FSIP1: variants seen among roughly 807,000 people sequenced by gnomAD.
The protein encoded by FSIP1 is fibrous sheath interacting protein 1.
In FSIP1, 65 loss-of-function variants were observed where a neutral mutation model predicts 60.9. The observed-to-expected ratio is 1.07, with a 90% confidence interval of 0.87 to 1.31. FSIP1 has a LOEUF of 1.31. Among genes scored for constraint, FSIP1 ranks in the 40% most tolerant of loss-of-function variants. The pLI is 0.00. For synonymous variants in FSIP1, 209 were observed against 221.2 expected, an observed-to-expected ratio of 0.94 and a Z score of 0.49; for missense variants, 675 against 665.5, an observed-to-expected ratio of 1.01 and a Z score of -0.16.
chr15:39,610,575 A>G (rs1337164135), intron 11 of FSIP1, among the ~76,000 whole-genome samples: 1 of 152,212 alleles, frequency 6.6e-6, no homozygotes, highest in Non-Finnish European at 1.5e-5. Context: ...CTGAGGCAGG[A>G]GAATCGCTTG....
intron 10 of FSIP1, among the ~76,000 whole-genome samples, chr15:39,633,233 G>A (rs925783202): frequency 2.6e-5 from 4 of 151,620 alleles, no homozygotes; most frequent in Non-Finnish European, 5.9e-5. Flanking sequence ...GGGACTATAG[G>A]CACGCACCAT....
chr15:39,648,032 C>T (rs575975444), intron 10 of FSIP1, among the ~76,000 whole-genome samples: 10 of 127,872 alleles, frequency 7.8e-5, no homozygotes, highest in Middle Eastern at 7.5e-3. Flanking sequence ...GTGGGGGGAG[C>T]GGGGAGGGAT....
At chr15:39,620,864 C>T (rs1324885638) in intron 10 of FSIP1, among the ~76,000 whole-genome samples, 1 of 150,804 alleles carries the variant, frequency 6.6e-6, no homozygotes, top group East Asian at 1.9e-4. Flanking sequence ...CCTCGGCCTC[C>T]CAAATTGTTA....
intron 11 of FSIP1, among the ~76,000 whole-genome samples, chr15:39,617,124 A>G (rs768862994): frequency 1.4e-4 from 21 of 152,250 alleles, no homozygotes; most frequent in Non-Finnish European, 2.4e-4. Context: ...AATCTACAAT[A>G]GAGGTAAAAA....
chr15:39,648,696 G>A (rs1206948679), intron 10 of FSIP1, among the ~76,000 whole-genome samples: 1 of 152,204 alleles, frequency 6.6e-6, no homozygotes, highest in East Asian at 1.9e-4. Flanking sequence ...AATGTGTGAT[G>A]TAATTGGTAG....
At chr15:39,606,874 T>A (rs1890845928) in intron 11 of FSIP1, among the ~76,000 whole-genome samples, 1 of 152,232 alleles carries the variant, frequency 6.6e-6, no homozygotes, top group Non-Finnish European at 1.5e-5. Flanking sequence ...TAGGTGGCTT[T>A]TGCTTTGATT....
At chr15:39,729,757 G>T (rs911568675) in intron 8 of FSIP1, among the ~76,000 whole-genome samples, 1 of 152,134 alleles carries the variant, frequency 6.6e-6, no homozygotes, top group African/African-American at 2.4e-5. Context: ...TGCAACTGAA[G>T]GCCATAATCC....
chr15:39,725,697 C>T (rs1027999415), intron 9 of FSIP1, among the ~76,000 whole-genome samples: 3 of 152,172 alleles, frequency 2.0e-5, no homozygotes, highest in African/African-American at 7.2e-5. Context: ...CCTCAGTCTA[C>T]CACCCAAACC....
At chr15:39,641,691 T>G in intron 10 of FSIP1, among the ~76,000 whole-genome samples, 1 of 152,198 alleles carries the variant, frequency 6.6e-6, no homozygotes, top group Admixed American at 6.5e-5. Flanking sequence ...TTCAAGTCTC[T>G]GGTTGCCACT....
At chr15:39,744,748 G>GTC (rs796166106) in intron 5 of FSIP1, among the ~76,000 whole-genome samples, 13 of 141,960 alleles carry the variant, frequency 9.2e-5, no homozygotes, top group South Asian at 2.2e-4. Flanking sequence ...CTGTCTGTCT[G>GTC]TCTCTCTCTC....
At chr15:39,718,005 T>C (rs2140566740) in intron 9 of FSIP1, among the ~76,000 whole-genome samples, 1 of 152,228 alleles carries the variant, frequency 6.6e-6, no homozygotes, top group African/African-American at 2.4e-5. Context: ...CAACTTCAGA[T>C]GGCCAGTTCT....
intron 4 of FSIP1, among the ~76,000 whole-genome samples, chr15:39,765,126 C>T (rs1233775136): frequency 6.6e-6 from 1 of 151,948 alleles, no homozygotes; most frequent in African/African-American, 2.4e-5. Context: ...ATGACTCCTT[C>T]ATATACACAC....
intron 10 of FSIP1, among the ~76,000 whole-genome samples, chr15:39,621,056 T>TAAAAAAA (rs369925726): frequency 7.4e-6 from 1 of 134,802 alleles, no homozygotes; most frequent in East Asian, 2.1e-4. Flanking sequence ...GGGCATTTCT[T>TAAAAAAA]AAAAAAAAAA....
chr15:39,734,258 T>C (rs1896526866), intron 8 of FSIP1, among the ~76,000 whole-genome samples: 1 of 152,322 alleles, frequency 6.6e-6, no homozygotes, highest in Admixed American at 6.5e-5. Flanking sequence ...TCAAAAATTA[T>C]CCACACTTCA....
chr15:39,722,309 T>C (rs1896014211), intron 9 of FSIP1, among the ~76,000 whole-genome samples: 1 of 152,022 alleles, frequency 6.6e-6, no homozygotes, highest in African/African-American at 2.4e-5. Context: ...GTCTACATTA[T>C]GGTGAGTTGT....
At chr15:39,719,186 G>T (rs1297201264) in intron 9 of FSIP1, among the ~76,000 whole-genome samples, 2 of 151,560 alleles carry the variant, frequency 1.3e-5, no homozygotes, top group Admixed American at 6.6e-5. Context: ...TGTGGTGCCA[G>T]GAAAGATTCT....
chr15:39,694,100 C>G (rs185507902), intron 10 of FSIP1, among the ~76,000 whole-genome samples: 1 of 152,058 alleles, frequency 6.6e-6, no homozygotes, highest in East Asian at 1.9e-4. Flanking sequence ...GTAACAAGCA[C>G]TTTGCAAACT....
intron 11 of FSIP1, among the ~76,000 whole-genome samples, chr15:39,614,510 T>C (rs1891151098): frequency 6.6e-6 from 1 of 152,058 alleles, no homozygotes; most frequent in South Asian, 2.1e-4. Flanking sequence ...CCGGGCGTGG[T>C]GGCACGCACC....
intron 10 of FSIP1, 126 bp downstream of exon 10, chr15:39,713,318 G>T: frequency 1.4e-6 from 1 of 740,536 alleles, no homozygotes; most frequent in Non-Finnish European, 2.1e-6. Context: ...TGTAATCCTA[G>T]CACTTTGGCA....
Sources: gnomAD v4.1 joint callset for allele counts (sites outside exome capture counted in the v4.1 genomes callset) on GRCh38, gnomAD v4.1.1 for gene constraint, MANE v1.5 for transcripts, NCBI Gene and HGNC (gene_info 2026-07-23, HGNC 2026-07-21) for gene names.